ANKH: variants seen among roughly 807,000 people sequenced by gnomAD.
The protein encoded by ANKH is mineralization regulator ANKH.
Under a neutral mutation model 49.0 loss-of-function variants are expected in ANKH, and 15 were observed. The ratio of observed to expected loss-of-function variants is 0.31; its 90% CI spans 0.20 to 0.47. The LOEUF (loss-of-function observed/expected upper bound fraction) is 0.47. Among genes scored for constraint, ANKH ranks in the 20% least tolerant of loss-of-function variants. The pLI, the probability that ANKH is intolerant of heterozygous loss-of-function variation, is 1.00. For synonymous variants in ANKH, 273 were observed against 260.0 expected, an observed-to-expected ratio of 1.05 and a Z score of -0.48; for missense variants, 429 against 652.0, an observed-to-expected ratio of 0.66 and a Z score of 3.72.
At position 14,745,924 on chromosome 5, in the gene ANKH, G is replaced by A; in HGVS notation, c.861C>T (p.His287=). Residue 287 remains histidine, a synonymous_variant, in exon 7 of 12, where the codon CAC becomes CAT. Coordinates refer to ENST00000284268, the MANE Select transcript of ANKH (RefSeq NM_054027.6). This position sits in a 1 kb window ranked among gnomAD's most constrained non-coding sequence, Gnocchi z 4.7. ...TTTCCGTCAACCAGCCGTATGGCAT[G>A]TGACCCACAGGGTATGTGGCTGTCA... ...AILTATYPVG[H]MPYGWLTEIR... 7 of 1,614,226 alleles carry A rather than the reference G, an allele frequency of 4.3e-6. No individual in the cohort carries two copies. The highest frequency in any genetic ancestry group is 5.9e-6 in the Non-Finnish European group (7 of 1,180,046).
intron 8 of ANKH, among the ~76,000 whole-genome samples, chr5:14,723,069 A>G (rs1333831651): frequency 6.6e-6 from 1 of 152,090 alleles, no homozygotes; most frequent in Non-Finnish European, 1.5e-5. Context: ...GGCCTTAAAA[A>G]CAAGGAAAGT....
At chr5:14,820,571 T>C (rs9790886) in intron 1 of ANKH, among the ~76,000 whole-genome samples, 16,148 of 152,234 alleles carry the variant, frequency 0.11, 1,355 homozygotes, top group East Asian at 0.44. Context: ...GGATTCTTGC[T>C]GAGGGCAGGC....
chr5:14,724,466 C>A (rs1171118146), intron 8 of ANKH: 1 of 806,626 alleles, frequency 1.2e-6, no homozygotes, highest in East Asian at 1.3e-4. Flanking sequence ...AAAACTTTGA[C>A]CACATATTAA....
At chr5:14,769,808 A>T (rs1739378895) in intron 1 of ANKH, among the ~76,000 whole-genome samples, 1 of 152,222 alleles carries the variant, frequency 6.6e-6, no homozygotes, top group Non-Finnish European at 1.5e-5. Flanking sequence ...TACATTCCTG[A>T]GCTCTACACA....
intron 1 of ANKH, among the ~76,000 whole-genome samples, chr5:14,852,416 G>A (rs912154314): frequency 1.3e-5 from 2 of 152,212 alleles, no homozygotes; most frequent in East Asian, 3.8e-4. Context: ...ACAGGGCAGA[G>A]AACAGAAATT....
At position 14,751,149 on chromosome 5, in the gene ANKH, C is replaced by T; in HGVS notation, c.607G>A (p.Val203Met). 1.2e-6 allele frequency: 2 copies of T among 1,614,256 alleles called. No individual in the cohort carries two copies. Among genetic ancestry groups the T allele is most frequent in the South Asian group, 2.2e-5 (2 of 91,086 alleles). Residue 203 changes from valine to methionine, a missense_variant, in exon 5 of 12, where the codon GTG becomes ATG. Coordinates refer to ENST00000284268, the MANE Select transcript of ANKH (RefSeq NM_054027.6). ...PILSLYMGAL[V>M]RCTTLCLGYY... is the part of the protein sequence containing the mutation. ...CCCAGGCACAGGGTGGTGCAGCGCACAAGTGCGCCCATGTACAAGGAGAGG... is the reference window on the plus strand; with the variant it reads ...CCCAGGCACAGGGTGGTGCAGCGCATAAGTGCGCCCATGTACAAGGAGAGG...
At chr5:14,820,752 C>T (rs1461486346) in intron 1 of ANKH, among the ~76,000 whole-genome samples, 1 of 152,182 alleles carries the variant, frequency 6.6e-6, no homozygotes, top group African/African-American at 2.4e-5. Context: ...GGGAGCTTAA[C>T]TAAAGTTTGG....
intron 5 of ANKH, among the ~76,000 whole-genome samples, chr5:14,750,706 A>G (rs1318326325): frequency 6.6e-6 from 1 of 152,200 alleles, no homozygotes; most frequent in African/African-American, 2.4e-5. Flanking sequence ...ATCAAACACA[A>G]TGAAATATAA....
At chr5:14,834,352 T>C (rs1486733979) in intron 1 of ANKH, among the ~76,000 whole-genome samples, 1 of 152,208 alleles carries the variant, frequency 6.6e-6, no homozygotes, top group Non-Finnish European at 1.5e-5. Context: ...ACAATGCCTG[T>C]TATGATTACT....
rs769592514 is a variant in ANKH at position 14,871,403 on chromosome 5, C to G, written c.45G>C (p.Arg15=). ...TGGTGATGCCCAGGGGCACCAAGAA[C>G]CGGATCAGGGGCCAGTAGTGCGTGA... ...PALTHYWPLI[R]FLVPLGITNI... is the part of the protein sequence containing the mutation. Residue 15 remains arginine, a synonymous_variant, in exon 1 of 12, where the codon CGG becomes CGC. Coordinates refer to ENST00000284268, the MANE Select transcript of ANKH (RefSeq NM_054027.6). The G allele has an allele frequency of 1.9e-6, 3 of 1,613,514 alleles. No individual in the cohort carries two copies. Among genetic ancestry groups the G allele is most frequent in the Non-Finnish European group, 1.7e-6 (2 of 1,179,762 alleles).
At chr5:14,851,860 T>C (rs777430427) in intron 1 of ANKH, among the ~76,000 whole-genome samples, 9 of 152,222 alleles carry the variant, frequency 5.9e-5, no homozygotes, top group Non-Finnish European at 1.3e-4. Flanking sequence ...ATGCAAACAT[T>C]GCTTTTTACA....
chr5:14,720,366 G>A (rs1026972051), intron 8 of ANKH, among the ~76,000 whole-genome samples: 2 of 152,142 alleles, frequency 1.3e-5, no homozygotes, highest in African/African-American at 4.8e-5. Context: ...CTGGACAAGT[G>A]GCCCTGTCAT....
At chr5:14,811,896 C>G (rs563924839) in intron 1 of ANKH, among the ~76,000 whole-genome samples, 254 of 152,214 alleles carry the variant, frequency 1.7e-3, no homozygotes, top group Non-Finnish European at 1.2e-3. Context: ...TACTCTTAAG[C>G]CTTCAAGGTC....
chr5:14,791,325 G>A (rs1030450599), intron 1 of ANKH, among the ~76,000 whole-genome samples: 1 of 152,220 alleles, frequency 6.6e-6, no homozygotes, highest in East Asian at 1.9e-4. Context: ...ATGACTCCTC[G>A]TTCAGCAGGG....
intron 1 of ANKH, among the ~76,000 whole-genome samples, chr5:14,792,703 G>A (rs1200594608): frequency 7.2e-5 from 11 of 151,832 alleles, no homozygotes; most frequent in African/African-American, 2.7e-4. Flanking sequence ...GGCTGGGCAC[G>A]GTGGCTCACG....
chr5:14,868,973 G>C (rs1340172588), intron 1 of ANKH: 4 of 152,106 alleles, frequency 2.6e-5, no homozygotes, highest in East Asian at 1.9e-4. Flanking sequence ...CTCCATCTTA[G>C]GATTTGTAAA....
intron 1 of ANKH, among the ~76,000 whole-genome samples, chr5:14,804,550 C>T (rs938398039): frequency 1.3e-5 from 2 of 152,180 alleles, no homozygotes; most frequent in Admixed American, 6.5e-5. Flanking sequence ...CTACTTTACG[C>T]TTACTTTGTT....
chr5:14,751,346 C>T (rs1738711425), intron 4 of ANKH, 107 bp from the exon 5 acceptor site: 3 of 1,218,000 alleles, frequency 2.5e-6, no homozygotes, highest in Non-Finnish European at 3.5e-6. Flanking sequence ...GAGCAAAGAT[C>T]TTGACTTTTA....
chr5:14,772,944 T>A (rs962442692), intron 1 of ANKH, among the ~76,000 whole-genome samples: 5 of 152,250 alleles, frequency 3.3e-5, no homozygotes, highest in Non-Finnish European at 7.3e-5. Context: ...CACTGGGGTG[T>A]GTAAGATCAG....
Sources: allele counts gnomAD v4.1 joint callset (sites outside exome capture counted in the v4.1 genomes callset), GRCh38; gene constraint gnomAD v4.1.1; non-coding constraint Gnocchi (gnomAD v3.1); transcripts MANE v1.5; gene names NCBI Gene and HGNC (gene_info 2026-07-23, HGNC 2026-07-21).